Variants in CSTPP1 observed in about 807,000 individuals in gnomAD.
The protein encoded by CSTPP1 is centriolar satellite-associated tubulin polyglutamylase complex regulator 1.
chr11:47,034,881 TA>T, the CSTPP1 span, among the ~76,000 whole-genome samples: 5 of 152,334 alleles, frequency 3.3e-5, no homozygotes, highest in Admixed American at 3.3e-4. Flanking sequence ...GATATCCTGA[TA>T]TTTTTTAAGC....
the CSTPP1 span, among the ~76,000 whole-genome samples, chr11:46,977,449 C>A: frequency 1.3e-5 from 2 of 152,216 alleles, no homozygotes; most frequent in Admixed American, 1.3e-4. Context: ...CATTTAGAGA[C>A]CTATTATGTC....
chr11:47,148,635 T>G, the CSTPP1 span, among the ~76,000 whole-genome samples: 2 of 152,218 alleles, frequency 1.3e-5, no homozygotes, highest in Admixed American at 1.3e-4. Context: ...TGGGCTCTAT[T>G]TTTATTTGCT....
chr11:47,142,944 G>A, the CSTPP1 span, among the ~76,000 whole-genome samples: 1 of 152,302 alleles, frequency 6.6e-6, no homozygotes, highest in Admixed American at 6.5e-5. Context: ...GTCTGAGCAG[G>A]AGGAAGCATC....
At chr11:46,939,789 G>A in the CSTPP1 span, among the ~76,000 whole-genome samples, 2 of 152,102 alleles carry the variant, frequency 1.3e-5, no homozygotes, top group Non-Finnish European at 2.9e-5. Context: ...TCTTTCCAGA[G>A]TTTATTATAT....
chr11:47,114,057 T>A, the CSTPP1 span, among the ~76,000 whole-genome samples: 2 of 152,242 alleles, frequency 1.3e-5, no homozygotes. Flanking sequence ...ATTTCAGCTT[T>A]CTACATATGG....
the CSTPP1 span, among the ~76,000 whole-genome samples, chr11:47,090,352 CAG>C: frequency 5.9e-5 from 9 of 152,110 alleles, no homozygotes; most frequent in Non-Finnish European, 2.9e-5. Context: ...AATGTTGAAA[CAG>C]AGTTGATAAA....
the CSTPP1 span, among the ~76,000 whole-genome samples, chr11:47,018,734 A>G: frequency 1.3e-5 from 2 of 152,170 alleles, no homozygotes; most frequent in Non-Finnish European, 2.9e-5. Flanking sequence ...AATTTTAACT[A>G]TTCTAATAGG....
the CSTPP1 span, among the ~76,000 whole-genome samples, chr11:47,072,393 T>C: frequency 1.2e-4 from 19 of 152,176 alleles, no homozygotes; most frequent in African/African-American, 4.6e-4. Flanking sequence ...AAAACTCAAT[T>C]TGATGGATTT....
At chr11:46,948,206 T>C in the CSTPP1 span, 1 of 453,822 alleles carries the variant, frequency 2.2e-6, no homozygotes, top group Non-Finnish European at 4.4e-6. Flanking sequence ...CATGAGAAAG[T>C]GAGTTTGGGC....
the CSTPP1 span, among the ~76,000 whole-genome samples, chr11:46,940,017 C>T: frequency 2.6e-5 from 4 of 152,012 alleles, no homozygotes; most frequent in East Asian, 1.9e-4. Context: ...ACTGCAGGCA[C>T]GAGCCACCAC....
At chr11:46,955,236 T>C in the CSTPP1 span, among the ~76,000 whole-genome samples, 2 of 152,206 alleles carry the variant, frequency 1.3e-5, no homozygotes, top group Non-Finnish European at 1.5e-5. Context: ...ATTCCCTTTC[T>C]TGGCCTCCTG....
the CSTPP1 span, among the ~76,000 whole-genome samples, chr11:47,057,910 C>G: frequency 6.6e-6 from 1 of 152,008 alleles, no homozygotes; most frequent in Non-Finnish European, 1.5e-5. Flanking sequence ...AGTTTAAAAG[C>G]AAAAAGGATT....
At chr11:47,153,196 G>T in the CSTPP1 span, among the ~76,000 whole-genome samples, 9 of 152,246 alleles carry the variant, frequency 5.9e-5, no homozygotes, top group South Asian at 1.9e-3. Context: ...GGTTTTCCTT[G>T]GGTTATGAGA....
At chr11:46,973,780 A>ATGTGTGTGTGTGTGTGTG in the CSTPP1 span, among the ~76,000 whole-genome samples, 984 of 150,692 alleles carry the variant, frequency 6.5e-3, 8 homozygotes, top group African/African-American at 0.023. Flanking sequence ...TGGAGGGTGT[A>ATGTGTGTGTGTGTGTGTG]TGTGTGTGTG....
the CSTPP1 span, chr11:47,157,911 A>ACCAAG: frequency 1.2e-6 from 2 of 1,613,798 alleles, no homozygotes; most frequent in East Asian, 4.5e-5. Context: ...CGTGGAATCA[A>ACCAAG]CCAAGCCCTC....
chr11:47,068,395 G>A, the CSTPP1 span, among the ~76,000 whole-genome samples: 6 of 151,892 alleles, frequency 4.0e-5, no homozygotes, highest in South Asian at 4.2e-4. Context: ...AGTGAAGCAC[G>A]GTGGCGCGCG....
the CSTPP1 span, among the ~76,000 whole-genome samples, chr11:46,941,524 G>C: frequency 6.6e-6 from 1 of 152,006 alleles, no homozygotes. Flanking sequence ...ATTTTTAGTA[G>C]AGACAGAGTT....
the CSTPP1 span, among the ~76,000 whole-genome samples, chr11:46,967,676 A>C: frequency 6.6e-6 from 1 of 152,138 alleles, no homozygotes. Context: ...TGCCCGGCAC[A>C]TAGGAAGAAC....
chr11:47,063,832 C>A, the CSTPP1 span, among the ~76,000 whole-genome samples: 1 of 152,192 alleles, frequency 6.6e-6, no homozygotes. Flanking sequence ...TTACTTTGGG[C>A]ACATAACTAG....
Sources: gnomAD v4.1 joint callset for allele counts (sites outside exome capture counted in the v4.1 genomes callset) on GRCh38, gnomAD v4.1.1 for gene constraint, MANE v1.5 for transcripts, NCBI Gene and HGNC (gene_info 2026-07-23, HGNC 2026-07-21) for gene names.